The following TTYH1 variants were observed in gnomAD, a reference collection of about 807,000 sequenced individuals.
TTYH1 encodes the protein tweety family member 1.
TTYH1 carries 33 observed loss-of-function variants against 61.2 expected under a neutral mutation model. That is an observed-to-expected ratio of 0.54 (90% CI 0.41 to 0.72). TTYH1 has a LOEUF of 0.72. Among genes scored for constraint, TTYH1 ranks in the 30% least tolerant of loss-of-function variants. The pLI is 0.00. For missense variants in TTYH1, 538 were observed against 575.8 expected (o/e 0.93, Z 0.67); for synonymous variants, 308 against 266.4 (o/e 1.16, Z -1.52).
Position 54,416,022 on chromosome 19 carries a change from TCTTCCTGCCCTAAAAGATGACC to T in TTYH1, c.126+347_126+368del. 1 of 1,327,926 alleles carries T rather than the reference TCTTCCTGCCCTAAAAGATGACC, an allele frequency of 7.5e-7. No individual in the cohort carries two copies. The highest frequency in any genetic ancestry group is 1.0e-6 in the Non-Finnish European group (1 of 1,004,586). 82.3% of individuals were successfully genotyped at this position (1,327,926 alleles called of 1,614,324 possible). A position where few individuals can be genotyped will look rare whatever the true frequency, so the allele number is the denominator to read the frequency against. On this transcript the variant is annotated intron_variant, in intron 1 of 13. Transcript: ENST00000376530. This position sits in a 1 kb window ranked among gnomAD's most constrained non-coding sequence, Gnocchi z 7.0. ...AGGGTCATCGGGAGGGTAGGTCTACTCTTCCTGCCCTAAAAGATGACCCTGCCCCACAGGATCAGAGCAGGTG... is the reference window on the plus strand; with the variant it reads ...AGGGTCATCGGGAGGGTAGGTCTACTCTGCCCCACAGGATCAGAGCAGGTG...
At chr19:54,425,698 T>C (rs1026005521) in intron 4 of TTYH1, among the ~76,000 whole-genome samples, 19 of 126,100 alleles carry the variant, frequency 1.5e-4, no homozygotes, top group African/African-American at 5.8e-4. Context: ...CCTTCACTGA[T>C]ATTTAAGGAT....
Position 54,416,917 on chromosome 19 carries a change from C to T in TTYH1, c.126+1239C>T, listed in dbSNP as rs1297959471. 2 of 1,282,524 alleles carry T rather than the reference C, an allele frequency of 1.6e-6. No individual in the cohort carries two copies. The highest frequency in any genetic ancestry group is 1.5e-5 in the African/African-American group (1 of 65,270). The allele number at this position is 1,282,524 out of a possible 1,614,324, so 79.4% of individuals were successfully genotyped here. On this transcript the variant is annotated intron_variant, in intron 1 of 13. Transcript: ENST00000376530. This position sits in a 1 kb window ranked among gnomAD's most constrained non-coding sequence, Gnocchi z 7.0. ...CGCGGGGATCCGCGGCCCCAGTCAC[C>T]GCCAGAGGCACGGGTTTGGGGGAGC...
chr19:54,421,136 C>T lies in TTYH1; in HGVS notation c.306-141C>T. 1.6e-6 allele frequency: 1 copy of T among 635,322 alleles called. No homozygotes were observed. The highest frequency in any genetic ancestry group is 1.8e-5 in the South Asian group (1 of 55,848). 39.4% of individuals were successfully genotyped at this position (635,322 alleles called of 1,614,324 possible). On this transcript the variant is annotated intron_variant, in intron 2 of 13. Transcript: ENST00000376530. The surrounding 1 kb of genome is among the most constrained non-coding windows in gnomAD (Gnocchi z 4.8). ...GGGGCCAGGCTGAAGTCGCCCTTTT[C>T]CCACGGGCTGGCCCAATGAGGTGGG...
In TTYH1 at chr19:54,420,046, C is replaced by A. The variant is rs1395106075; in HGVS notation, c.305+740C>A. On this transcript the variant is annotated intron_variant, in intron 2 of 13. Coordinates refer to ENST00000376530, the MANE Select transcript of TTYH1 (RefSeq NM_020659.4). The surrounding 1 kb of genome is among the most constrained non-coding windows in gnomAD (Gnocchi z 4.8). ...GAGGGGAGGTCACCTTTCAAGGCCA[C>A]GTGGCTTAAGAGGCAGCACAGAGAT... Among the ~76,000 whole-genome samples the A allele has an allele frequency of 6.6e-6, 1 of 152,108 alleles. No homozygotes were observed. The highest frequency in any genetic ancestry group is 2.4e-5 in the African/African-American group (1 of 41,416).
At chr19:54,424,214 G>C (rs1252528419) in intron 4 of TTYH1, among the ~76,000 whole-genome samples, 1 of 152,052 alleles carries the variant, frequency 6.6e-6, no homozygotes, top group Non-Finnish European at 1.5e-5. Flanking sequence ...GAGTCTGGCA[G>C]TTCATCAGGG....
chr19:54,419,644 C>T lies in TTYH1; in HGVS notation c.305+338C>T, dbSNP rs1340015314. 1 of 586,616 alleles carries T rather than the reference C, an allele frequency of 1.7e-6. No homozygotes were observed. The highest frequency in any genetic ancestry group is 3.2e-6 in the Non-Finnish European group (1 of 310,910). 36.3% of individuals were successfully genotyped at this position (586,616 alleles called of 1,614,324 possible). A position where few individuals can be genotyped will look rare whatever the true frequency, so the allele number is the denominator to read the frequency against. On this transcript the variant is annotated intron_variant, in intron 2 of 13. Transcript: ENST00000376530. The surrounding 1 kb of genome is among the most constrained non-coding windows in gnomAD (Gnocchi z 6.1). Reference sequence around the variant, plus strand: ...TGATAGTCTCCCTGGGCCTCAATTTCCACATCTGTAAACTGGGCATTATCA... The same window carrying T: ...TGATAGTCTCCCTGGGCCTCAATTTTCACATCTGTAAACTGGGCATTATCA...
chr19:54,432,790 C>T (rs940812330), intron 10 of TTYH1: 2 of 152,162 alleles, frequency 1.3e-5, no homozygotes, highest in African/African-American at 2.4e-5. Flanking sequence ...ATGTATTGGG[C>T]ATCCGATACT....
In TTYH1 at chr19:54,435,693, CG is replaced by C. The variant is rs759069368; in HGVS notation, c.1268+14del. 8.7e-6 allele frequency: 14 copies of C among 1,607,350 alleles called. No homozygotes were observed. Among genetic ancestry groups the C allele is most frequent in the Admixed American group, 5.0e-5 (3 of 59,736 alleles). On this transcript the variant is annotated intron_variant, in intron 11 of 13. Transcript: ENST00000376530. ...GCCCTCTTCCCACCCAGGTCAGGAG[CG>C]GGGGAGGGTAGGGTCCTGGGGAGGG...
Position 54,431,092 on chromosome 19 carries a change from C to T in TTYH1, c.1033-7C>T. On this transcript the variant is annotated splice_polypyrimidine_tract_variant and splice_region_variant and intron_variant, in intron 9 of 13. Transcript: ENST00000376530. Reference sequence around the variant, plus strand: ...TCGTGGGAAAACGACCCCTCCTCGCCCCGCAGAAGCCTCTGCTGTCCTTGG... The same window carrying T: ...TCGTGGGAAAACGACCCCTCCTCGCTCCGCAGAAGCCTCTGCTGTCCTTGG... The T allele has an allele frequency of 1.2e-6, 2 of 1,610,474 alleles. No individual in the cohort carries two copies. Among genetic ancestry groups the T allele is most frequent in the Non-Finnish European group, 1.7e-6 (2 of 1,176,744 alleles).
chr19:54,420,229 C>T lies in TTYH1; in HGVS notation c.305+923C>T, dbSNP rs1440788039. Among the ~76,000 whole-genome samples, 2 of 152,190 alleles carry T rather than the reference C, an allele frequency of 1.3e-5. No individual in the cohort carries two copies. The highest frequency in any genetic ancestry group is 6.5e-5 in the Admixed American group (1 of 15,280). ...GCAGACAGCAATCCTCTTCCACAGA[C>T]GGGGGGTCCCAGAGGGCCAGACGCC... is the stretch of plus-strand genomic sequence containing the variant. On this transcript the variant is annotated intron_variant, in intron 2 of 13. Coordinates refer to ENST00000376530, the MANE Select transcript of TTYH1 (RefSeq NM_020659.4). This position sits in a 1 kb window ranked among gnomAD's most constrained non-coding sequence, Gnocchi z 4.8.
At chr19:54,428,883 G>A (rs949299406) in intron 5 of TTYH1, among the ~76,000 whole-genome samples, 3 of 152,080 alleles carry the variant, frequency 2.0e-5, no homozygotes, top group South Asian at 2.1e-4. Flanking sequence ...CTCCCCACCC[G>A]GAAAGTCCAG....
chr19:54,430,367 G>A (rs1485162034), intron 7 of TTYH1, among the ~76,000 whole-genome samples, 183 bp from the exon 8 acceptor site: 2 of 152,188 alleles, frequency 1.3e-5, no homozygotes, highest in Non-Finnish European at 2.9e-5. Flanking sequence ...ACCAGCGCCT[G>A]CTCTGGCTGT....
At position 54,429,392 on chromosome 19, in the gene TTYH1, G is replaced by A; in HGVS notation, c.807+13G>A. The A allele has an allele frequency of 6.2e-7, 1 of 1,613,338 alleles. No homozygotes were observed. ...AGCCACGGCCGTGGTGAGTGCCAGG[G>A]CCGGGCCATTGGGCTCTGGGACTCA... On this transcript the variant is annotated intron_variant, in intron 6 of 13. Coordinates refer to ENST00000376530, the MANE Select transcript of TTYH1 (RefSeq NM_020659.4). This position sits in a 1 kb window ranked among gnomAD's most constrained non-coding sequence, Gnocchi z 5.1.
intron 1 of TTYH1, among the ~76,000 whole-genome samples, 158 bp from the exon 2 acceptor site, chr19:54,418,970 G>C (rs1477451975): frequency 6.6e-6 from 1 of 152,176 alleles, no homozygotes; most frequent in African/African-American, 2.4e-5. Flanking sequence ...GCCAGCCTGG[G>C]AGGGGCTGGG....
chr19:54,427,282 G>C (rs1236793026), intron 5 of TTYH1, among the ~76,000 whole-genome samples: 299 of 88,932 alleles, frequency 3.4e-3, no homozygotes, highest in South Asian at 7.3e-3. Context: ...CTGGGCGACA[G>C]AGTGACACTC....
Position 54,436,043 on chromosome 19 carries a change from T to G in TTYH1, c.1315-48T>G. On this transcript the variant is annotated intron_variant, in intron 12 of 13. Transcript: ENST00000376530. The surrounding 1 kb of genome is among the most constrained non-coding windows in gnomAD (Gnocchi z 4.3). Reference sequence around the variant, plus strand: ...TGGGGTCCCACAGTACAAAGCCAATTCCCACTCCATTCCCTCCTCTCCCCC... The same window carrying G: ...TGGGGTCCCACAGTACAAAGCCAATGCCCACTCCATTCCCTCCTCTCCCCC... 6.2e-7 allele frequency: 1 copy of G among 1,602,640 alleles called. No homozygotes were observed. Among genetic ancestry groups the G allele is most frequent in the Non-Finnish European group, 8.5e-7 (1 of 1,170,392 alleles).
intron 1 of TTYH1, among the ~76,000 whole-genome samples, chr19:54,418,912 T>G (rs1763514113): frequency 6.6e-6 from 1 of 152,066 alleles, no homozygotes; most frequent in African/African-American, 2.4e-5. Context: ...GGGCCCCCAG[T>G]TGGAAGCTCC....
In TTYH1 at chr19:54,416,155, T is replaced by C. The variant is rs2083074507; in HGVS notation, c.126+477T>C. 9.3e-7 allele frequency: 1 copy of C among 1,073,468 alleles called. No individual in the cohort carries two copies. Among genetic ancestry groups the C allele is most frequent in the Non-Finnish European group, 1.3e-6 (1 of 780,648 alleles). The allele number at this position is 1,073,468 out of a possible 1,614,324, so 66.5% of individuals were successfully genotyped here. ...AACGCTGGCTGCTGCGGTGCTGGGATGGGATTGAGAGTCTGAAATGGGGAA... is the reference window on the plus strand; with the variant it reads ...AACGCTGGCTGCTGCGGTGCTGGGACGGGATTGAGAGTCTGAAATGGGGAA... On this transcript the variant is annotated intron_variant, in intron 1 of 13. Transcript: ENST00000376530. This position sits in a 1 kb window ranked among gnomAD's most constrained non-coding sequence, Gnocchi z 7.0.
In TTYH1 at chr19:54,419,966, G is replaced by A. The variant is rs762120960; in HGVS notation, c.305+660G>A. On this transcript the variant is annotated intron_variant, in intron 2 of 13. Coordinates refer to ENST00000376530, the MANE Select transcript of TTYH1 (RefSeq NM_020659.4). This position sits in a 1 kb window ranked among gnomAD's most constrained non-coding sequence, Gnocchi z 6.1. ...TGGTCTAATTCCTTCTCACAATAATGCTGCTGGATTCAGGGGTGTCAGGCC... is the reference window on the plus strand; with the variant it reads ...TGGTCTAATTCCTTCTCACAATAATACTGCTGGATTCAGGGGTGTCAGGCC... Among the ~76,000 whole-genome samples, 1 of 152,144 alleles carries A rather than the reference G, an allele frequency of 6.6e-6. No individual in the cohort carries two copies. Among genetic ancestry groups the A allele is most frequent in the South Asian group, 2.1e-4 (1 of 4,824 alleles).
Sources: allele counts gnomAD v4.1 joint callset (sites outside exome capture counted in the v4.1 genomes callset), GRCh38; gene constraint gnomAD v4.1.1; non-coding constraint Gnocchi (gnomAD v3.1); transcripts MANE v1.5; gene names NCBI Gene and HGNC (gene_info 2026-07-23, HGNC 2026-07-21).